The following B3GALT1 variants were observed in gnomAD, a reference collection of about 807,000 sequenced individuals.
B3GALT1 encodes the protein UDP-Gal:betaGlcNAc beta 1,3-galactosyltransferase, polypeptide 1.
A neutral mutation model predicts 23.2 loss-of-function variants in B3GALT1; 10 were observed. The observed-to-expected ratio is 0.43, with a 90% CI of 0.27 to 0.73. The LOEUF (loss-of-function observed/expected upper bound fraction) is 0.73, where lower values mean the gene tolerates loss of function less well. Ranked by LOEUF, B3GALT1 falls within the 30% of genes least tolerant of loss-of-function variation. B3GALT1 has a pLI of 0.21. For missense variants in B3GALT1, 299 were observed against 405.4 expected (o/e 0.74, Z 2.25); for synonymous variants, 156 against 141.5 (o/e 1.10, Z -0.73).
Position 167,756,393 on chromosome 2 carries a change from CA to C in B3GALT1, c.-351-62278del, listed in dbSNP as rs149293585. ...GGTGAGCTTCACCTCTACTGAAAAA[CA>C]TGTTGGTCTATGTAGACAAATACTC... On this transcript the variant is annotated intron_variant, in intron 3 of 4. Transcript: ENST00000392690. Among the ~76,000 whole-genome samples, 111 of 152,314 alleles carry C rather than the reference CA, an allele frequency of 7.3e-4. 3 individuals are homozygous for C. In the East Asian group the frequency reaches 0.02, roughly 28 times the overall value.
intron 1 of B3GALT1, among the ~76,000 whole-genome samples, chr2:167,315,059 C>CT (rs1466772010): frequency 6.6e-6 from 1 of 152,008 alleles, no homozygotes; most frequent in East Asian, 1.9e-4. Flanking sequence ...AGTAAGAACT[C>CT]TTTTATAATA....
intron 2 of B3GALT1, among the ~76,000 whole-genome samples, chr2:167,541,270 C>T (rs905464443): frequency 1.3e-5 from 2 of 152,038 alleles, no homozygotes; most frequent in Non-Finnish European, 2.9e-5. Flanking sequence ...ATTAAAGATG[C>T]GGTTTCTTGC....
intron 3 of B3GALT1, among the ~76,000 whole-genome samples, chr2:167,754,990 G>A (rs966001920): frequency 6.6e-6 from 1 of 152,102 alleles, no homozygotes; most frequent in African/African-American, 2.4e-5. Context: ...CTTTTGATAC[G>A]TGTTTTCATT....
intron 1 of B3GALT1, among the ~76,000 whole-genome samples, chr2:167,469,537 A>C (rs1185010977): frequency 6.6e-6 from 1 of 152,226 alleles, no homozygotes; most frequent in African/African-American, 2.4e-5. Context: ...ACACTTAAGT[A>C]GTACATGTTA....
In B3GALT1 at chr2:167,662,565, C is replaced by T. The variant is rs530111723; in HGVS notation, c.-352+15599C>T. ...AAAGACTGTTATAATAGCCGATTTA[C>T]TACCTCCCTGCTTCCACCTTGTCCC... On this transcript the variant is annotated intron_variant, in intron 3 of 4. Transcript: ENST00000392690. Among the ~76,000 whole-genome samples, 125 of 152,250 alleles carry T rather than the reference C, an allele frequency of 8.2e-4. 1 individual carries two copies. The highest frequency in any genetic ancestry group is 1.2e-3 in the Non-Finnish European group (82 of 68,008).
chr2:167,702,373 T>G (rs1360293930), intron 3 of B3GALT1, among the ~76,000 whole-genome samples: 1 of 152,252 alleles, frequency 6.6e-6, no homozygotes, highest in Non-Finnish European at 1.5e-5. Flanking sequence ...TGAAGCAATA[T>G]TCTTCCATCT....
At chr2:167,599,797 C>T (rs1311570676) in intron 2 of B3GALT1, among the ~76,000 whole-genome samples, 1 of 152,134 alleles carries the variant, frequency 6.6e-6, no homozygotes, top group Admixed American at 6.6e-5. Context: ...AATTCTGATG[C>T]ATTGCCAACT....
intron 1 of B3GALT1, among the ~76,000 whole-genome samples, chr2:167,341,819 T>C (rs1164186248): frequency 6.6e-6 from 1 of 152,246 alleles, no homozygotes; most frequent in Non-Finnish European, 1.5e-5. Flanking sequence ...GGTATGACTT[T>C]TGTAATCTTA....
chr2:167,475,275 C>T (rs560307074), intron 1 of B3GALT1, among the ~76,000 whole-genome samples: 2 of 152,250 alleles, frequency 1.3e-5, no homozygotes, highest in East Asian at 3.9e-4. Flanking sequence ...CACTCCCCAC[C>T]CCTAAGTCGC....
At chr2:167,771,742 T>C (rs923753164) in intron 3 of B3GALT1, among the ~76,000 whole-genome samples, 1 of 152,192 alleles carries the variant, frequency 6.6e-6, no homozygotes, top group Non-Finnish European at 1.5e-5. Context: ...CCATTTTCAA[T>C]AGGTTCTCTT....
chr2:167,842,462 G>A (rs1689669914), intron 4 of B3GALT1, among the ~76,000 whole-genome samples: 1 of 152,200 alleles, frequency 6.6e-6, no homozygotes, highest in South Asian at 2.1e-4. Context: ...CAACTCCTTA[G>A]AGGACAGGAG....
At chr2:167,656,274 A>G (rs1391809537) in intron 3 of B3GALT1, among the ~76,000 whole-genome samples, 1 of 152,186 alleles carries the variant, frequency 6.6e-6, no homozygotes, top group Non-Finnish European at 1.5e-5. Flanking sequence ...CTGAGAAAGT[A>G]ATCATTCTTG....
At chr2:167,818,003 AC>A (rs568469072) in intron 3 of B3GALT1, among the ~76,000 whole-genome samples, 97 of 152,200 alleles carry the variant, frequency 6.4e-4, no homozygotes, top group African/African-American at 2.2e-3. Context: ...CCGTGAATGA[AC>A]CAAATGTCTT....
chr2:167,386,610 T>G (rs1326022598), intron 1 of B3GALT1, among the ~76,000 whole-genome samples: 4 of 152,170 alleles, frequency 2.6e-5, no homozygotes, highest in Non-Finnish European at 5.9e-5. Context: ...TAAATGTAAG[T>G]GATAGTCTCA....
chr2:167,341,542 G>T (rs1190326560), intron 1 of B3GALT1, among the ~76,000 whole-genome samples: 1 of 151,988 alleles, frequency 6.6e-6, no homozygotes, highest in Admixed American at 6.6e-5. Flanking sequence ...TGCACCTGTA[G>T]TCCTAGCTAT....
intron 2 of B3GALT1, among the ~76,000 whole-genome samples, chr2:167,523,847 A>T (rs61010982): frequency 0.048 from 7,066 of 147,208 alleles, 338 homozygotes; most frequent in African/African-American, 0.13. Context: ...TTATTTTCTC[A>T]CATATAAAGT....
At chr2:167,461,922 A>G (rs1198298400) in intron 1 of B3GALT1, among the ~76,000 whole-genome samples, 4 of 152,216 alleles carry the variant, frequency 2.6e-5, no homozygotes, top group Non-Finnish European at 5.9e-5. Context: ...ATGTTGCAAT[A>G]TAAAATGTTT....
chr2:167,587,755 C>G (rs975588335), intron 2 of B3GALT1, among the ~76,000 whole-genome samples: 2 of 152,212 alleles, frequency 1.3e-5, no homozygotes, highest in Admixed American at 1.3e-4. Context: ...GGCCTGAATT[C>G]TTGCAACTGG....
chr2:167,848,513 T>A (rs1410211680), intron 4 of B3GALT1, among the ~76,000 whole-genome samples: 2 of 152,174 alleles, frequency 1.3e-5, no homozygotes, highest in African/African-American at 4.8e-5. Context: ...TCTCAATAGA[T>A]GCAGAAAAAG....
Sources: allele counts gnomAD v4.1 joint callset (sites outside exome capture counted in the v4.1 genomes callset), GRCh38; gene constraint gnomAD v4.1.1; transcripts MANE v1.5; gene names NCBI Gene and HGNC (gene_info 2026-07-23, HGNC 2026-07-21).